The following INVS variants were observed in gnomAD, a reference collection of about 807,000 sequenced individuals.
INVS encodes inversion of embryo turning homolog.
INVS carries 86 observed loss-of-function variants against 108.8 expected under a neutral mutation model. The observed-to-expected ratio is 0.79, with a 90% CI of 0.66 to 0.95. The LOEUF is 0.95. Among genes scored for constraint, INVS ranks in the 40% least tolerant of loss-of-function variants. The probability of loss-of-function intolerance (pLI) is 0.00; values close to 1 mark genes in which losing one functional copy is unlikely to be tolerated. For synonymous variants in INVS, 455 were observed against 473.5 expected, an observed-to-expected ratio of 0.96 and a Z score of 0.51; for missense variants, 1,169 against 1,297.4, an observed-to-expected ratio of 0.90 and a Z score of 1.52.
chr9:100,270,159 A>G (rs183345316), intron 11 of INVS, among the ~76,000 whole-genome samples: 41 of 152,124 alleles, frequency 2.7e-4, no homozygotes, highest in African/African-American at 8.7e-4. Flanking sequence ...TAAAATCTAT[A>G]TCATTTTGAC....
chr9:100,166,483 A>G lies in INVS; in HGVS notation c.273+39934A>G, dbSNP rs1588054659. On this transcript the variant is annotated intron_variant, in intron 3 of 16. Transcript: ENST00000262457. Reference sequence around the variant, plus strand: ...GGCTGCTGGGAGCCGTGCTCCCACCACTGTACTCTAGCCTGGGCAAGAGAA... The same window carrying G: ...GGCTGCTGGGAGCCGTGCTCCCACCGCTGTACTCTAGCCTGGGCAAGAGAA... 2.0e-5 allele frequency among the ~76,000 whole-genome samples: 3 copies of G among 152,250 alleles called. No individual in the cohort carries two copies. In the South Asian group the frequency reaches 6.2e-4, roughly 32 times the overall value.
intron 4 of INVS, among the ~76,000 whole-genome samples, chr9:100,228,156 A>G (rs1243415003): frequency 1.3e-5 from 2 of 151,784 alleles, no homozygotes; most frequent in Non-Finnish European, 2.9e-5. Flanking sequence ...AGGCCCAACT[A>G]ATTTTTGTAT....
chr9:100,171,835 G>A (rs549049468), intron 3 of INVS, among the ~76,000 whole-genome samples: 11 of 152,090 alleles, frequency 7.2e-5, no homozygotes, highest in African/African-American at 2.4e-4. Flanking sequence ...TATATCATTG[G>A]CAAAAGCATT....
chr9:100,257,905 G>C (rs1261913976), intron 10 of INVS, among the ~76,000 whole-genome samples: 1 of 152,152 alleles, frequency 6.6e-6, no homozygotes, highest in Non-Finnish European at 1.5e-5. Flanking sequence ...CTCTTCTCGA[G>C]GAGTATCTTT....
chr9:100,230,644 GGGTA>G (rs1831479499), intron 5 of INVS, among the ~76,000 whole-genome samples: 2 of 151,922 alleles, frequency 1.3e-5, no homozygotes, highest in African/African-American at 4.8e-5. Flanking sequence ...TCAGCGTCCC[GGGTA>G]GCTGGGACTG....
At chr9:100,256,107 A>G (rs977173945) in intron 10 of INVS, among the ~76,000 whole-genome samples, 9 of 152,172 alleles carry the variant, frequency 5.9e-5, no homozygotes, top group African/African-American at 1.9e-4. Flanking sequence ...TTATTGGTCT[A>G]TTCAGGGATT....
intron 3 of INVS, among the ~76,000 whole-genome samples, chr9:100,221,323 A>T (rs374551093): frequency 1.1e-4 from 13 of 114,460 alleles, no homozygotes; most frequent in African/African-American, 5.2e-4. Context: ...TTTTTTTTTG[A>T]GACAGGGTCT....
intron 3 of INVS, among the ~76,000 whole-genome samples, chr9:100,187,576 G>T (rs1169037092): frequency 1.4e-5 from 2 of 141,788 alleles, no homozygotes; most frequent in Non-Finnish European, 3.0e-5. Context: ...ACCCAGGCTG[G>T]AGGGCAGTGG....
At chr9:100,298,202 CTAT>C in intron 16 of INVS, 192 bp downstream of exon 16, 2 of 1,492,326 alleles carry the variant, frequency 1.3e-6, no homozygotes, top group Middle Eastern at 1.8e-4. Context: ...CAACTAAAAG[CTAT>C]TATTGTTAAC....
chr9:100,270,000 A>G (rs747657470), intron 11 of INVS, among the ~76,000 whole-genome samples: 1 of 152,164 alleles, frequency 6.6e-6, no homozygotes, highest in Non-Finnish European at 1.5e-5. Context: ...TCTGCAACGT[A>G]TTACATTGTT....
Position 100,295,895 on chromosome 9 carries a change from C to T in INVS, c.2787-1022C>T, listed in dbSNP as rs554695294. Among the ~76,000 whole-genome samples, 3 of 152,192 alleles carry T rather than the reference C, an allele frequency of 2.0e-5. No individual in the cohort carries two copies. In the East Asian group the frequency reaches 5.8e-4, roughly 29 times the overall value. On this transcript the variant is annotated intron_variant, in intron 14 of 16. Transcript: ENST00000262457. The stretch of plus-strand genomic sequence containing the variant: ...AAACAGGAGAAACTGAATTATAGCG[C>T]GGTAGTGCCATACTTTTCTCTAGAC...
chr9:100,175,464 G>C lies in INVS; in HGVS notation c.273+48915G>C, dbSNP rs899761773. On this transcript the variant is annotated intron_variant, in intron 3 of 16. Transcript: ENST00000262457. ...TGTGTTCTCTTCCACCCAGCTGTGT[G>C]TACTCAGTGATAGATTTCAGAGACA... 46 of 865,066 alleles carry C rather than the reference G, an allele frequency of 5.3e-5. No homozygotes were observed. The African/African-American group carries it at 7.5e-4, about 14-fold the overall frequency. 53.6% of individuals were successfully genotyped at this position (865,066 alleles called of 1,614,324 possible). A position where few individuals can be genotyped will look rare whatever the true frequency, so the allele number is the denominator to read the frequency against.
chr9:100,247,712 CA>C (rs1237020771), intron 8 of INVS, among the ~76,000 whole-genome samples: 12 of 150,424 alleles, frequency 8.0e-5, no homozygotes, highest in African/African-American at 2.9e-4. Context: ...ACCACAGCCT[CA>C]AAAAAAAATA....
intron 2 of INVS, among the ~76,000 whole-genome samples, chr9:100,112,791 C>G (rs1191519630): frequency 6.6e-6 from 1 of 152,136 alleles, no homozygotes; most frequent in Non-Finnish European, 1.5e-5. Context: ...GTTGGATAAG[C>G]TCGAGTTAGG....
intron 13 of INVS, among the ~76,000 whole-genome samples, chr9:100,291,839 AG>A (rs1833625056): frequency 1.3e-5 from 2 of 152,168 alleles, no homozygotes; most frequent in Non-Finnish European, 2.9e-5. Flanking sequence ...TATTTCCAAA[AG>A]GTATATCCCT....
At chr9:100,163,294 C>T (rs923584339) in intron 3 of INVS, among the ~76,000 whole-genome samples, 2 of 151,656 alleles carry the variant, frequency 1.3e-5, no homozygotes, top group African/African-American at 4.9e-5. Context: ...CGGGCACCAC[C>T]TCACATGTTG....
At chr9:100,169,691 G>T (rs1829478959) in intron 3 of INVS, among the ~76,000 whole-genome samples, 1 of 152,088 alleles carries the variant, frequency 6.6e-6, no homozygotes, top group South Asian at 2.1e-4. Context: ...CCTCTATACA[G>T]TATATCTTTA....
chr9:100,300,593 C>T lies in INVS; in HGVS notation c.3117C>T (p.Leu1039=). 1 of 1,613,246 alleles carries T rather than the reference C, an allele frequency of 6.2e-7. No homozygotes were observed. The highest frequency in any genetic ancestry group is 8.5e-7 in the Non-Finnish European group (1 of 1,179,234). ...TGAGCAACCTACAGTGTATACATCT[C>T]CTTGAGAACAGTGGAAGATCAAAGA... ...NSVSNLQCIH[L]LENSGRSKNF... The change falls in exon 17 of 17, where the codon CTC becomes CTT. Residue 1039 remains leucine (L), a synonymous_variant. Transcript: ENST00000262457.
chr9:100,252,909 G>A lies in INVS; in HGVS notation c.1237G>A (p.Gly413Arg). Residue 413 changes from glycine (G) to arginine (R), a missense_variant and splice_region_variant, in exon 10 of 17, where the codon GGA (glycine) becomes AGA (arginine). Physicochemically the swap from Gly to Arg is moderately radical, Grantham distance 125 (BLOSUM62 -2). Transcript: ENST00000262457. ...TCATTATATTTGTGCTTTTCCAGGTGGAGCAAGGGTAGATCTAGTTGACCA... is the reference window on the plus strand; with the variant it reads ...TCATTATATTTGTGCTTTTCCAGGTAGAGCAAGGGTAGATCTAGTTGACCA... Reference protein sequence around the residue: ...KDVIQTLIKGGARVDLVDQDG... With the variant: ...KDVIQTLIKGRARVDLVDQDG... 2.5e-6 allele frequency: 4 copies of A among 1,611,292 alleles called. No individual in the cohort carries two copies. Among genetic ancestry groups the A allele is most frequent in the Admixed American group, 1.7e-5 (1 of 59,944 alleles).
Sources: allele counts gnomAD v4.1 joint callset (sites outside exome capture counted in the v4.1 genomes callset), GRCh38; gene constraint gnomAD v4.1.1; transcripts MANE v1.5; gene names NCBI Gene and HGNC (gene_info 2026-07-23, HGNC 2026-07-21).